The following ITSN1 variants were observed in gnomAD, a reference collection of about 807,000 sequenced individuals.
The protein encoded by ITSN1 is intersectin-1.
A neutral mutation model predicts 239.8 loss-of-function variants in ITSN1; 58 were observed. The ratio of observed to expected loss-of-function variants is 0.24; its 90% CI spans 0.20 to 0.30. The LOEUF (loss-of-function observed/expected upper bound fraction) is 0.30. Ranked by LOEUF, ITSN1 falls within the 10% of genes least tolerant of loss-of-function variation. The probability of loss-of-function intolerance (pLI) is 1.00; values close to 1 mark genes in which losing one functional copy is unlikely to be tolerated. For synonymous variants in ITSN1, 780 were observed against 770.8 expected, an observed-to-expected ratio of 1.01 and a Z score of -0.20; for missense variants, 1,558 against 2,103.3, an observed-to-expected ratio of 0.74 and a Z score of 5.07.
At chr21:33,869,038 G>C (rs1313131659) in intron 33 of ITSN1, among the ~76,000 whole-genome samples, 1 of 151,528 alleles carries the variant, frequency 6.6e-6, no homozygotes, top group Non-Finnish European at 1.5e-5. Context: ...TTTCTCCCTT[G>C]ACTCTTTCTT....
chr21:33,744,002 A>G (rs1005913358), intron 5 of ITSN1, among the ~76,000 whole-genome samples: 4 of 152,240 alleles, frequency 2.6e-5, no homozygotes, highest in Admixed American at 2.6e-4. Flanking sequence ...TGCTTCAGAC[A>G]ATCAAAATAG....
chr21:33,708,695 C>A (rs1341065066), intron 1 of ITSN1, among the ~76,000 whole-genome samples: 4 of 151,890 alleles, frequency 2.6e-5, no homozygotes, highest in Non-Finnish European at 5.9e-5. Flanking sequence ...CTAATTTTTT[C>A]TTTTATAAAT....
chr21:33,821,877 A>G (rs370787657), intron 24 of ITSN1, among the ~76,000 whole-genome samples: 30 of 152,368 alleles, frequency 2.0e-4, no homozygotes, highest in African/African-American at 7.0e-4. Flanking sequence ...GAACAGTAAC[A>G]GGGAGCAAAA....
At chr21:33,685,275 A>G (rs774492872) in intron 1 of ITSN1, among the ~76,000 whole-genome samples, 3 of 152,230 alleles carry the variant, frequency 2.0e-5, no homozygotes, top group African/African-American at 7.2e-5. Flanking sequence ...TCAGGGAATC[A>G]GAGACTTTCT....
chr21:33,745,346 G>A (rs903013611), intron 5 of ITSN1, among the ~76,000 whole-genome samples: 2 of 152,166 alleles, frequency 1.3e-5, no homozygotes, highest in African/African-American at 4.8e-5. Flanking sequence ...AGGATGGAGA[G>A]GGGACTGTGG....
At chr21:33,821,456 C>G (rs1482014340) in intron 24 of ITSN1, among the ~76,000 whole-genome samples, 1 of 152,082 alleles carries the variant, frequency 6.6e-6, no homozygotes, top group Non-Finnish European at 1.5e-5. Context: ...AAACTGTAAA[C>G]CAGATAAAAT....
At chr21:33,767,005 T>G (rs1298003564) in intron 10 of ITSN1, among the ~76,000 whole-genome samples, 1 of 150,344 alleles carries the variant, frequency 6.7e-6, no homozygotes, top group African/African-American at 2.5e-5. Flanking sequence ...CCGTCTCTAC[T>G]AAAAATACAA....
intron 21 of ITSN1, among the ~76,000 whole-genome samples, chr21:33,812,471 C>A (rs897361533): frequency 6.6e-6 from 1 of 152,170 alleles, no homozygotes; most frequent in Non-Finnish European, 1.5e-5. Context: ...TGCAGTCACA[C>A]AGACATGTTT....
chr21:33,713,927 C>T (rs530013970), intron 1 of ITSN1, among the ~76,000 whole-genome samples: 7 of 143,304 alleles, frequency 4.9e-5, no homozygotes, highest in African/African-American at 1.5e-4. Flanking sequence ...CTCCGGCTCT[C>T]GGGTTCAAGC....
chr21:33,769,027 C>T (rs1049956849), intron 11 of ITSN1, among the ~76,000 whole-genome samples: 2 of 152,134 alleles, frequency 1.3e-5, no homozygotes, highest in African/African-American at 4.8e-5. Context: ...CAACAGACCT[C>T]ACTTATGGTT....
intron 1 of ITSN1, among the ~76,000 whole-genome samples, chr21:33,682,266 A>G (rs1476246900): frequency 6.9e-6 from 1 of 145,438 alleles, no homozygotes; most frequent in Non-Finnish European, 1.5e-5. Flanking sequence ...CCCAGGCTGG[A>G]GTGCAATGGC....
rs1294722581 is a variant in ITSN1, at chr21:33,865,872, C to T, written c.4074+538C>T. On this transcript the variant is annotated intron_variant, in intron 32 of 39. Coordinates refer to ENST00000381318, the MANE Select transcript of ITSN1 (RefSeq NM_003024.3). This position sits in a 1 kb window ranked among gnomAD's most constrained non-coding sequence, Gnocchi z 4.4. ...GCAGGGATCTGGAGAGTTGGGAGTCCACCAGGGGATGTTTGGGGAGGTAAT... is the reference window on the plus strand; with the variant it reads ...GCAGGGATCTGGAGAGTTGGGAGTCTACCAGGGGATGTTTGGGGAGGTAAT... Among the ~76,000 whole-genome samples, 1 of 152,130 alleles carries T rather than the reference C, an allele frequency of 6.6e-6. No homozygotes were observed. Among genetic ancestry groups the T allele is most frequent in the Non-Finnish European group, 1.5e-5 (1 of 68,036 alleles).
At chr21:33,750,375 G>A in intron 6 of ITSN1, 53 bp downstream of exon 6, 2 of 1,489,128 alleles carry the variant, frequency 1.3e-6, no homozygotes, top group Non-Finnish European at 9.3e-7. Flanking sequence ...GTATTTTGCT[G>A]TTCATTATTA....
chr21:33,642,973 G>A (rs1254575363), intron 1 of ITSN1, among the ~76,000 whole-genome samples: 5 of 150,234 alleles, frequency 3.3e-5, no homozygotes, highest in South Asian at 2.1e-4. Flanking sequence ...GCGGTGGGCC[G>A]TGGGGTGGCG....
chr21:33,878,599 G>GTCAC (rs2148545305), intron 34 of ITSN1, among the ~76,000 whole-genome samples: 1 of 152,302 alleles, frequency 6.6e-6, no homozygotes, highest in East Asian at 1.9e-4. Flanking sequence ...ACCTGAGGGA[G>GTCAC]TCACCATGAC....
chr21:33,896,053 T>G lies in ITSN1; in HGVS notation c.*7753T>G, dbSNP rs1986763860. The G allele has an allele frequency of 6.6e-6, 1 of 152,298 alleles. No individual in the cohort carries two copies. The highest frequency in any genetic ancestry group is 6.5e-5 in the Admixed American group (1 of 15,288). 9.4% of individuals were successfully genotyped at this position (152,298 alleles called of 1,614,324 possible). A position where few individuals can be genotyped will look rare whatever the true frequency, so the allele number is the denominator to read the frequency against. ...AAGCTGATGGGCTCTGTCTTAGGTC[T>G]TCTTACTTTGAAAGGTCTCCCGGCA... On this transcript the variant is annotated 3_prime_UTR_variant, in exon 40 of 40. Transcript: ENST00000381318.
rs923626788 is a variant in ITSN1, at chr21:33,649,042, A to G, written c.-33+6329A>G. Among the ~76,000 whole-genome samples the G allele has an allele frequency of 2.6e-5, 4 of 152,246 alleles. No individual in the cohort carries two copies. The East Asian group carries it at 7.7e-4, about 29-fold the overall frequency. ...CAGGATTAGAGTGCTAGAGAAGACT[A>G]GTGAAATTTGAAAAGGCAGTTCACT... On this transcript the variant is annotated intron_variant, in intron 1 of 39. Coordinates refer to ENST00000381318, the MANE Select transcript of ITSN1 (RefSeq NM_003024.3).
At chr21:33,813,134 T>G (rs537094719) in intron 21 of ITSN1, among the ~76,000 whole-genome samples, 1 of 152,246 alleles carries the variant, frequency 6.6e-6, no homozygotes, top group South Asian at 2.1e-4. Flanking sequence ...TTGTTCCCAT[T>G]TTATCAATGA....
rs1223272231 is a variant in ITSN1 at position 33,757,571 on chromosome 21, G to T, written c.724+2174G>T. On this transcript the variant is annotated intron_variant, in intron 8 of 39. Coordinates refer to ENST00000381318, the MANE Select transcript of ITSN1 (RefSeq NM_003024.3). ...AATTTTTTTTCCCTTTATGTACTTA[G>T]GAATCAATATGAAGTATGTTTTATA... is the stretch of plus-strand genomic sequence containing the variant. Among the ~76,000 whole-genome samples the T allele has an allele frequency of 2.6e-5, 4 of 152,040 alleles. No individual in the cohort carries two copies. In the East Asian group the frequency reaches 7.7e-4, roughly 29 times the overall value.
Sources: allele counts gnomAD v4.1 joint callset (sites outside exome capture counted in the v4.1 genomes callset), GRCh38; gene constraint gnomAD v4.1.1; non-coding constraint Gnocchi (gnomAD v3.1); transcripts MANE v1.5; gene names NCBI Gene and HGNC (gene_info 2026-07-23, HGNC 2026-07-21).